RBFOX1: variants seen among roughly 807,000 people sequenced by gnomAD.
RBFOX1 encodes the protein RNA binding protein fox-1 homolog 1.
RBFOX1 carries 8 observed loss-of-function variants against 57.7 expected under a neutral mutation model. The ratio of observed to expected loss-of-function variants is 0.14; its 90% CI spans 0.08 to 0.25. The LOEUF is 0.25. Ranked by LOEUF, RBFOX1 falls within the 10% of genes least tolerant of loss-of-function variation. RBFOX1 has a pLI of 1.00. For synonymous variants in RBFOX1, 326 were observed against 222.4 expected (o/e 1.47, Z -4.15); for missense variants, 611 against 548.5 (o/e 1.11, Z -1.14).
At chr16:6,791,730 C>T (rs1344679358) in intron 3 of RBFOX1, among the ~76,000 whole-genome samples, 1 of 152,166 alleles carries the variant, frequency 6.6e-6, no homozygotes, top group East Asian at 1.9e-4. Flanking sequence ...CACTGCACTG[C>T]AGCCTGGGGG....
intron 15 of RBFOX1, chr16:7,709,607 T>G: frequency 6.5e-7 from 1 of 1,530,952 alleles, no homozygotes; most frequent in Non-Finnish European, 8.8e-7. Flanking sequence ...TTACAATTCA[T>G]GTTTAAAGTC....
chr16:6,331,717 A>T (rs1435899697), intron 2 of RBFOX1, among the ~76,000 whole-genome samples: 1 of 151,770 alleles, frequency 6.6e-6, no homozygotes, highest in Non-Finnish European at 1.5e-5. Flanking sequence ...GAGTGCCACC[A>T]GTATGTCCTA....
At chr16:7,164,114 C>G (rs535170420) in intron 4 of RBFOX1, among the ~76,000 whole-genome samples, 199 of 152,232 alleles carry the variant, frequency 1.3e-3, no homozygotes, top group African/African-American at 4.6e-3. Flanking sequence ...CTCCCTCACC[C>G]CCTCCCACCC....
At chr16:6,105,768 T>G (rs1412637106) in intron 1 of RBFOX1, among the ~76,000 whole-genome samples, 2 of 152,110 alleles carry the variant, frequency 1.3e-5, no homozygotes, top group Non-Finnish European at 2.9e-5. Flanking sequence ...GATTTACCTT[T>G]TATTTATGTT....
At chr16:6,322,595 C>T (rs1176053496) in intron 2 of RBFOX1, among the ~76,000 whole-genome samples, 1 of 152,076 alleles carries the variant, frequency 6.6e-6, no homozygotes, top group Non-Finnish European at 1.5e-5. Context: ...AGGAAGTTGA[C>T]CCTATGATTA....
chr16:6,955,689 G>GTATGTATTTATT (rs764676268), intron 3 of RBFOX1, among the ~76,000 whole-genome samples: 5 of 118,614 alleles, frequency 4.2e-5, no homozygotes, highest in South Asian at 2.6e-4. Context: ...AGGTATGTAT[G>GTATGTATTTATT]TATTTATTTA....
At chr16:7,402,130 G>A (rs1375524403) in intron 4 of RBFOX1, among the ~76,000 whole-genome samples, 3 of 152,082 alleles carry the variant, frequency 2.0e-5, no homozygotes, top group African/African-American at 7.2e-5. Context: ...ATGGATTTTT[G>A]CCAAATTGAA....
chr16:6,008,064 G>C (rs894931911), intron 4 of RBFOX1, among the ~76,000 whole-genome samples: 2 of 152,080 alleles, frequency 1.3e-5, no homozygotes, highest in African/African-American at 4.8e-5. Flanking sequence ...CATTAGCCAG[G>C]CATGGTGGCA....
Position 5,658,782 on chromosome 16 carries a change from GTA to G in RBFOX1, c.318+59830_318+59831del, listed in dbSNP as rs377243544. Reference sequence around the variant, plus strand: ...TATGTGTATGTATATATGTATATATGTATATATATAATATATGTGTATATATG... The same window carrying G: ...TATGTGTATGTATATATGTATATATGTATATATAATATATGTGTATATATG... On this transcript the variant is annotated intron_variant, in intron 3 of 19. Transcript: ENST00000641259. 6.6e-3 allele frequency among the ~76,000 whole-genome samples: 865 copies of G among 131,544 alleles called. 6 individuals are homozygous for G. The highest frequency in any genetic ancestry group is 0.029 in the African/African-American group (827 of 28,958). 86.3% of individuals were successfully genotyped at this position (131,544 alleles called of 152,430 possible).
chr16:6,773,036 G>A (rs1567183094), intron 3 of RBFOX1, among the ~76,000 whole-genome samples: 1 of 112,404 alleles, frequency 8.9e-6, no homozygotes, highest in Non-Finnish European at 1.8e-5. Flanking sequence ...TTGTGGGCAT[G>A]GGGTGCATTT....
At chr16:7,187,653 C>G (rs1259744578) in intron 4 of RBFOX1, among the ~76,000 whole-genome samples, 1 of 117,224 alleles carries the variant, frequency 8.5e-6, no homozygotes, top group Non-Finnish European at 1.6e-5. Context: ...CGTGCCACTG[C>G]AGTCCAGCCT....
chr16:7,446,656 C>A (rs1043363889), intron 4 of RBFOX1, among the ~76,000 whole-genome samples: 7 of 152,088 alleles, frequency 4.6e-5, no homozygotes, highest in African/African-American at 1.2e-4. Context: ...CTCTTTACAC[C>A]AGCAGCCTCA....
At position 7,199,109 on chromosome 16, in the gene RBFOX1, G is replaced by A. The variant is rs1312906235; in HGVS notation, c.27+147011G>A. Among the ~76,000 whole-genome samples, 6 of 152,326 alleles carry A rather than the reference G, an allele frequency of 3.9e-5. No homozygotes were observed. In the East Asian group the frequency reaches 7.7e-4, roughly 20 times the overall value. ...CCTCCCCAGAGGAAGAACACAGGCTGCAGAGGTGACAGCTCACAATGTTAG... is the reference window on the plus strand; with the variant it reads ...CCTCCCCAGAGGAAGAACACAGGCTACAGAGGTGACAGCTCACAATGTTAG... On this transcript the variant is annotated intron_variant, in intron 4 of 15. Coordinates refer to ENST00000550418, the MANE Select transcript of RBFOX1 (RefSeq NM_018723.4).
At chr16:6,876,088 A>T (rs1302685225) in intron 3 of RBFOX1, among the ~76,000 whole-genome samples, 1 of 151,926 alleles carries the variant, frequency 6.6e-6, no homozygotes, top group African/African-American at 2.4e-5. Flanking sequence ...TAGGAGGGTC[A>T]CTTGATCCAG....
At chr16:6,881,564 C>T (rs960302896) in intron 3 of RBFOX1, among the ~76,000 whole-genome samples, 1 of 152,196 alleles carries the variant, frequency 6.6e-6, no homozygotes, top group African/African-American at 2.4e-5. Flanking sequence ...TACTCCTCTT[C>T]CTGTAAACAC....
chr16:6,046,410 C>T (rs2095495846), intron 1 of RBFOX1, among the ~76,000 whole-genome samples: 1 of 152,120 alleles, frequency 6.6e-6, no homozygotes, highest in South Asian at 2.1e-4. Flanking sequence ...GACAAGACCC[C>T]AGGGCTCCAT....
At chr16:6,781,987 A>G (rs1334185409) in intron 3 of RBFOX1, among the ~76,000 whole-genome samples, 2 of 151,798 alleles carry the variant, frequency 1.3e-5, no homozygotes, top group Non-Finnish European at 2.9e-5. Context: ...ATGCAGTTTT[A>G]GGTTTTTTGT....
At chr16:6,809,869 T>G (rs2087982376) in intron 3 of RBFOX1, among the ~76,000 whole-genome samples, 1 of 152,110 alleles carries the variant, frequency 6.6e-6, no homozygotes. Context: ...CCGGTGCCTT[T>G]CTGGAAGTTA....
At chr16:7,336,832 A>G (rs2096797228) in intron 4 of RBFOX1, among the ~76,000 whole-genome samples, 1 of 152,254 alleles carries the variant, frequency 6.6e-6, no homozygotes, top group Non-Finnish European at 1.5e-5. Context: ...GTTGGGCACC[A>G]AAGCTCATTT....
Sources: allele counts gnomAD v4.1 joint callset (sites outside exome capture counted in the v4.1 genomes callset), GRCh38; gene constraint gnomAD v4.1.1; transcripts MANE v1.5; gene names NCBI Gene and HGNC (gene_info 2026-07-23, HGNC 2026-07-21).